The following MISFA variants were observed in gnomAD, a reference collection of about 807,000 sequenced individuals.
MISFA encodes mitochondrial sheath formation associated.
the MISFA span, chr11:18,609,865 C>T: frequency 2.2e-4 from 352 of 1,614,050 alleles, no homozygotes; most frequent in Admixed American, 6.0e-4. Flanking sequence ...CAGCAGCTAA[C>T]GCCTCTTCAG....
At chr11:18,604,485 G>A in the MISFA span, among the ~76,000 whole-genome samples, 78 of 151,946 alleles carry the variant, frequency 5.1e-4, no homozygotes, top group African/African-American at 1.6e-3. Flanking sequence ...GTGAAACCCC[G>A]TCTCTACTAA....
At chr11:18,607,714 T>C in the MISFA span, 1 of 152,368 alleles carries the variant, frequency 6.6e-6, no homozygotes, top group South Asian at 2.1e-4. Flanking sequence ...TAACCTTTTT[T>C]TTCTTTTAAA....
chr11:18,602,053 G>A, the MISFA span: 1 of 152,180 alleles, frequency 6.6e-6, no homozygotes, highest in Non-Finnish European at 1.5e-5. Flanking sequence ...ACAGTAGCTC[G>A]TTGGTAAAGG....
the MISFA span, chr11:18,606,352 G>A: frequency 5.6e-6 from 1 of 179,054 alleles, no homozygotes; most frequent in East Asian, 1.8e-4. Flanking sequence ...AGGGTGATGA[G>A]ATAAAGAATA....
the MISFA span, chr11:18,607,435 G>C: frequency 1.3e-5 from 2 of 152,580 alleles, no homozygotes; most frequent in African/African-American, 4.8e-5. Flanking sequence ...CCATGATCAT[G>C]TAACATTATT....
the MISFA span, among the ~76,000 whole-genome samples, chr11:18,604,972 G>C: frequency 6.6e-6 from 1 of 152,094 alleles, no homozygotes; most frequent in Non-Finnish European, 1.5e-5. Flanking sequence ...GCCAGGCGTG[G>C]TGGCTCACAC....
At chr11:18,599,982 G>A in the MISFA span, 26 of 398,846 alleles carry the variant, frequency 6.5e-5, no homozygotes, top group Admixed American at 1.0e-3. Context: ...ACATGGGCAC[G>A]TTTCCAGAGT....
At chr11:18,604,754 CTCA>C in the MISFA span, among the ~76,000 whole-genome samples, 1 of 152,128 alleles carries the variant, frequency 6.6e-6, no homozygotes, top group Non-Finnish European at 1.5e-5. Flanking sequence ...AGCTATTAGC[CTCA>C]TCTTACAAAA....
At chr11:18,608,507 T>G in the MISFA span, 4 of 152,192 alleles carry the variant, frequency 2.6e-5, no homozygotes, top group Non-Finnish European at 5.9e-5. Context: ...TTGTAGAACG[T>G]TTATTATTCC....
At chr11:18,603,820 T>C in the MISFA span, 6 of 398,400 alleles carry the variant, frequency 1.5e-5, no homozygotes. Context: ...AATGCAGCTG[T>C]GAAGCTCACC....
At chr11:18,601,860 C>T in the MISFA span, 4 of 246,516 alleles carry the variant, frequency 1.6e-5, no homozygotes, top group Admixed American at 1.1e-4. Context: ...GAAGTTTCTT[C>T]TGTACAACAG....
chr11:18,601,683 T>C, the MISFA span: 1 of 396,354 alleles, frequency 2.5e-6, no homozygotes, highest in African/African-American at 2.1e-5. Context: ...GTGCTGGGAT[T>C]GCAGGCATAA....
chr11:18,604,130 G>GA, the MISFA span, among the ~76,000 whole-genome samples: 1 of 151,610 alleles, frequency 6.6e-6, no homozygotes, highest in Non-Finnish European at 1.5e-5. Context: ...GTTTCACCGT[G>GA]TTATCCAGGA....
the MISFA span, chr11:18,601,491 A>G: frequency 1.8e-5 from 7 of 388,918 alleles, no homozygotes; most frequent in Non-Finnish European, 2.2e-5. Context: ...TCTGCCACCC[A>G]GGCTGGAGTG....
At chr11:18,599,929 A>G in the MISFA span, 9 of 398,858 alleles carry the variant, frequency 2.3e-5, no homozygotes, top group Non-Finnish European at 1.3e-5. Flanking sequence ...ACGTTTGATC[A>G]TGATTGTGCT....
At chr11:18,603,380 G>A in the MISFA span, among the ~76,000 whole-genome samples, 25 of 152,350 alleles carry the variant, frequency 1.6e-4, no homozygotes, top group African/African-American at 5.5e-4. Flanking sequence ...AAGGCCCAGA[G>A]TCAAAGCTTT....
At chr11:18,609,710 CTCAAATGACAGCCT>C in the MISFA span, 2 of 654,030 alleles carry the variant, frequency 3.1e-6, no homozygotes, top group Non-Finnish European at 5.3e-6. Flanking sequence ...ATATTTTATG[CTCAAATGACAGCCT>C]GCAAATGACA....
the MISFA span, among the ~76,000 whole-genome samples, chr11:18,605,456 T>C: frequency 6.6e-6 from 1 of 152,224 alleles, no homozygotes; most frequent in African/African-American, 2.4e-5. Flanking sequence ...TTTGTTTACA[T>C]AGAAAACATT....
At chr11:18,604,903 G>A in the MISFA span, among the ~76,000 whole-genome samples, 1 of 152,098 alleles carries the variant, frequency 6.6e-6, no homozygotes, top group Admixed American at 6.6e-5. Context: ...AAGAGACTGT[G>A]GGATATCCAA....
Sources: gnomAD v4.1 joint callset for allele counts (sites outside exome capture counted in the v4.1 genomes callset) on GRCh38, gnomAD v4.1.1 for gene constraint, MANE v1.5 for transcripts, NCBI Gene and HGNC (gene_info 2026-07-23, HGNC 2026-07-21) for gene names.